KLHL32: variants seen among roughly 807,000 people sequenced by gnomAD.
KLHL32 encodes kelch like family member 32.
KLHL32 carries 35 observed loss-of-function variants against 64.8 expected under a neutral mutation model. The ratio of observed to expected loss-of-function variants is 0.54; its 90% confidence interval spans 0.41 to 0.72. The LOEUF is 0.72. Among genes scored for constraint, KLHL32 ranks in the 30% least tolerant of loss-of-function variants. KLHL32 has a pLI of 0.00. For missense variants in KLHL32, 589 were observed against 768.5 expected (o/e 0.77, Z 2.76); for synonymous variants, 259 against 281.0 (o/e 0.92, Z 0.78).
intron 6 of KLHL32, among the ~76,000 whole-genome samples, chr6:97,087,893 C>A (rs144674698): frequency 1.3e-5 from 2 of 152,194 alleles, no homozygotes; most frequent in Non-Finnish European, 1.5e-5. Flanking sequence ...CTTACCCAAG[C>A]CCTTTCCTTG....
At chr6:97,049,689 A>G (rs753341671) in intron 4 of KLHL32, among the ~76,000 whole-genome samples, 1 of 152,188 alleles carries the variant, frequency 6.6e-6, no homozygotes, top group Non-Finnish European at 1.5e-5. Flanking sequence ...GTTGACATGG[A>G]AAGTTTGAGA....
At chr6:97,011,902 C>A (rs1381962270) in intron 3 of KLHL32, among the ~76,000 whole-genome samples, 1 of 152,178 alleles carries the variant, frequency 6.6e-6, no homozygotes, top group Non-Finnish European at 1.5e-5. Context: ...TAACCTCAGT[C>A]CTAGTTGTAT....
At chr6:96,970,814 AG>A (rs770687686) in intron 2 of KLHL32, among the ~76,000 whole-genome samples, 6 of 152,214 alleles carry the variant, frequency 3.9e-5, no homozygotes, top group Non-Finnish European at 2.9e-5. Flanking sequence ...TTCATTTTAA[AG>A]TGTTTATAAA....
the KLHL32 span, among the ~76,000 whole-genome samples, chr6:96,903,736 C>T: frequency 6.6e-6 from 1 of 152,054 alleles, no homozygotes; most frequent in African/African-American, 2.4e-5. Flanking sequence ...CAATGGATTC[C>T]CAATATAGAT....
chr6:97,034,512 T>C (rs2128119937), intron 3 of KLHL32, among the ~76,000 whole-genome samples: 1 of 152,176 alleles, frequency 6.6e-6, no homozygotes, highest in African/African-American at 2.4e-5. Context: ...GTGGTTTCAT[T>C]TGATTTTAGC....
At chr6:97,066,123 A>AAGT (rs1285223441) in intron 5 of KLHL32, among the ~76,000 whole-genome samples, 1 of 152,198 alleles carries the variant, frequency 6.6e-6, no homozygotes, top group African/African-American at 2.4e-5. Flanking sequence ...TGTGTGTTTG[A>AAGT]CTTGTGAAAT....
intron 5 of KLHL32, among the ~76,000 whole-genome samples, chr6:97,082,054 A>G (rs1483760518): frequency 1.3e-5 from 2 of 152,210 alleles, no homozygotes; most frequent in Non-Finnish European, 2.9e-5. Context: ...AGAGATGATA[A>G]ATATGGTAGA....
chr6:97,050,036 C>G (rs1363475906), intron 4 of KLHL32, among the ~76,000 whole-genome samples: 3 of 152,124 alleles, frequency 2.0e-5, no homozygotes, highest in East Asian at 3.9e-4. Flanking sequence ...CTGTGCTATC[C>G]AGTCAGAATG....
intron 3 of KLHL32, among the ~76,000 whole-genome samples, chr6:97,030,268 T>C (rs143243285): frequency 1.3e-3 from 201 of 152,338 alleles, no homozygotes; most frequent in African/African-American, 4.7e-3. Flanking sequence ...GTCAGTTTTG[T>C]GTCGTAAGGT....
chr6:96,900,503 TG>T, the KLHL32 span, among the ~76,000 whole-genome samples: 1 of 152,236 alleles, frequency 6.6e-6, no homozygotes, highest in Non-Finnish European at 1.5e-5. Context: ...GTGGTGGTAT[TG>T]TTAGATTTAT....
At chr6:97,118,544 G>A (rs1010213814) in intron 7 of KLHL32, among the ~76,000 whole-genome samples, 3 of 151,270 alleles carry the variant, frequency 2.0e-5, no homozygotes, top group African/African-American at 7.3e-5. Context: ...GCTTGAACCC[G>A]GGAGGTGGAG....
At chr6:97,095,757 T>A (rs1291552784) in intron 6 of KLHL32, among the ~76,000 whole-genome samples, 4 of 152,222 alleles carry the variant, frequency 2.6e-5, no homozygotes, top group Non-Finnish European at 5.9e-5. Context: ...TAAAGTGATC[T>A]GCTGAGGAAT....
intron 1 of KLHL32, among the ~76,000 whole-genome samples, chr6:96,958,469 G>A (rs1462735855): frequency 6.6e-6 from 1 of 152,194 alleles, no homozygotes; most frequent in Non-Finnish European, 1.5e-5. Flanking sequence ...CTGGTACCCT[G>A]AGGGGAGAGA....
intron 7 of KLHL32, among the ~76,000 whole-genome samples, chr6:97,122,585 T>C (rs1232977788): frequency 6.6e-6 from 1 of 152,142 alleles, no homozygotes; most frequent in Non-Finnish European, 1.5e-5. Context: ...TAATGGCAGG[T>C]TGTTCTTTAG....
intron 6 of KLHL32, among the ~76,000 whole-genome samples, chr6:97,087,454 A>G (rs1793587909): frequency 6.6e-6 from 1 of 152,242 alleles, no homozygotes; most frequent in African/African-American, 2.4e-5. Context: ...AGACAGATCT[A>G]CAGAATCTCA....
the KLHL32 span, among the ~76,000 whole-genome samples, chr6:96,902,814 G>A: frequency 3.3e-5 from 5 of 152,144 alleles, no homozygotes; most frequent in African/African-American, 1.2e-4. Flanking sequence ...ATTCTAGCCA[G>A]TTCTCCCAGC....
intron 1 of KLHL32, among the ~76,000 whole-genome samples, chr6:96,926,518 A>C (rs1769181596): frequency 6.6e-6 from 1 of 152,254 alleles, no homozygotes; most frequent in South Asian, 2.1e-4. Context: ...CCAAGACTCA[A>C]ACCTTGCTGA....
At chr6:96,994,411 A>G in intron 3 of KLHL32, 1 of 714,222 alleles carries the variant, frequency 1.4e-6, no homozygotes, top group Non-Finnish European at 1.7e-6. Flanking sequence ...TATACAAATT[A>G]TTTATGTTTT....
intron 6 of KLHL32, among the ~76,000 whole-genome samples, chr6:97,102,385 G>A (rs572502143): frequency 1.3e-4 from 20 of 152,202 alleles, no homozygotes; most frequent in Non-Finnish European, 2.5e-4. Context: ...TGATACAGAA[G>A]GGTTTTCTTT....
Sources: gnomAD v4.1 joint callset for allele counts (sites outside exome capture counted in the v4.1 genomes callset) on GRCh38, gnomAD v4.1.1 for gene constraint, MANE v1.5 for transcripts, NCBI Gene and HGNC (gene_info 2026-07-23, HGNC 2026-07-21) for gene names.